Variants in ACACB observed in about 807,000 individuals in gnomAD.
The protein encoded by ACACB is acetyl-CoA carboxylase 2.
Under a neutral mutation model 278.8 loss-of-function variants are expected in ACACB, and 209 were observed. The ratio of observed to expected loss-of-function variants is 0.75; its 90% CI spans 0.67 to 0.84. The LOEUF (loss-of-function observed/expected upper bound fraction) is 0.84. Ranked by LOEUF, ACACB falls within the 40% of genes least tolerant of loss-of-function variation. ACACB has a pLI of 0.00. For missense variants in ACACB, 2,850 were observed against 3,269.0 expected, an observed-to-expected ratio of 0.87 and a Z score of 3.13; for synonymous variants, 1,174 against 1,285.6, an observed-to-expected ratio of 0.91 and a Z score of 1.86.
Position 109,210,197 on chromosome 12 carries a change from A to ATCTG in ACACB, c.3249+845_3249+846insCTGT, listed in dbSNP as rs2045718278. ...TATGTATATATACACACGTGTGTAT[A>ATCTG]TGTATATATGTATATATACACACAT... is the stretch of plus-strand genomic sequence containing the variant. On this transcript the variant is annotated intron_variant, in intron 21 of 52. Transcript: ENST00000338432. Among the ~76,000 whole-genome samples the ATCTG allele has an allele frequency of 1.7e-4, 2 of 11,856 alleles. 1 individual carries two copies. Among genetic ancestry groups the ATCTG allele is most frequent in the South Asian group, 3.0e-3 (2 of 670 alleles). The allele number at this position is 11,856 out of a possible 152,430, so 7.8% of individuals were successfully genotyped here. A position where few individuals can be genotyped will look rare whatever the true frequency, so the allele number is the denominator to read the frequency against.
intron 29 of ACACB, 88 bp from the exon 30 acceptor site, chr12:109,233,660 G>A: frequency 9.1e-7 from 1 of 1,102,236 alleles, no homozygotes; most frequent in Non-Finnish European, 1.4e-6. Context: ...GGGAGGGTCT[G>A]GCGTTCCCTG....
At chr12:109,149,369 G>A (rs2043315238) in intron 2 of ACACB, among the ~76,000 whole-genome samples, 1 of 152,172 alleles carries the variant, frequency 6.6e-6, no homozygotes, top group Non-Finnish European at 1.5e-5. Flanking sequence ...GGCTCTAACA[G>A]TTGGTGGCTT....
At chr12:109,253,404 G>A (rs1398772005) in intron 43 of ACACB, among the ~76,000 whole-genome samples, 1 of 152,186 alleles carries the variant, frequency 6.6e-6, no homozygotes, top group African/African-American at 2.4e-5. Context: ...CCTTTAGAAA[G>A]AGGTAGTATT....
chr12:109,262,610 T>C, intron 49 of ACACB, 141 bp downstream of exon 49: 4 of 593,442 alleles, frequency 6.7e-6, no homozygotes, highest in Non-Finnish European at 3.0e-6. Flanking sequence ...TTTAAAGATA[T>C]TCACATTTGT....
chr12:109,181,201 A>T (rs2044454186), intron 11 of ACACB, among the ~76,000 whole-genome samples: 1 of 148,208 alleles, frequency 6.7e-6, no homozygotes, highest in African/African-American at 2.5e-5. Context: ...GTGTGTATGT[A>T]CCACATTTTC....
intron 2 of ACACB, among the ~76,000 whole-genome samples, chr12:109,152,466 G>GT (rs1213943896): frequency 6.6e-6 from 1 of 151,554 alleles, no homozygotes; most frequent in African/African-American, 2.4e-5. Context: ...TTGTTTATCT[G>GT]TTTTTTTTCT....
chr12:109,238,309 A>G (rs1264295749), intron 34 of ACACB, among the ~76,000 whole-genome samples: 1 of 146,236 alleles, frequency 6.8e-6, no homozygotes, highest in Non-Finnish European at 1.5e-5. Context: ...GGTCCACCAC[A>G]TATTATTTCC....
At chr12:109,240,305 G>T (rs1040416336) in intron 35 of ACACB, among the ~76,000 whole-genome samples, 1 of 152,118 alleles carries the variant, frequency 6.6e-6, no homozygotes, top group Admixed American at 6.5e-5. Context: ...ACGTGAGACC[G>T]TGAGGTCTGT....
At chr12:109,240,180 C>T (rs1414650059) in intron 35 of ACACB, among the ~76,000 whole-genome samples, 195 bp downstream of exon 35, 4 of 152,206 alleles carry the variant, frequency 2.6e-5, no homozygotes, top group Non-Finnish European at 4.4e-5. Flanking sequence ...CCATGCCCTG[C>T]ACGGGAATGC....
At chr12:109,171,336 T>C (rs1653040129) in intron 4 of ACACB, among the ~76,000 whole-genome samples, 1 of 151,456 alleles carries the variant, frequency 6.6e-6, no homozygotes, top group African/African-American at 2.4e-5. Context: ...ATATTTCATT[T>C]TCTTTACATT....
rs1344320808 is a variant in ACACB, at chr12:109,140,280, T to TTCCATCCA, written c.653+225_653+226insATCCATCC. Reference sequence around the variant, plus strand: ...CATCCTTCCTTCCTTCTTTCCTTCCTTCCTTCCTTCCTTCCTTCCTTCCTT... The same window carrying TTCCATCCA: ...CATCCTTCCTTCCTTCTTTCCTTCCTTCCATCCATCCTTCCTTCCTTCCTTCCTTCCTT... On this transcript the variant is annotated intron_variant, in intron 2 of 52. Coordinates refer to ENST00000338432, the MANE Select transcript of ACACB (RefSeq NM_001093.4). 4.8e-4 allele frequency among the ~76,000 whole-genome samples: 19 copies of TTCCATCCA among 39,426 alleles called. 2 individuals carry two copies. Among genetic ancestry groups the TTCCATCCA allele is most frequent in the East Asian group, 3.0e-3 (4 of 1,320 alleles). 25.9% of individuals were successfully genotyped at this position (39,426 alleles called of 152,430 possible). A position where few individuals can be genotyped will look rare whatever the true frequency, so the allele number is the denominator to read the frequency against.
intron 39 of ACACB, 137 bp downstream of exon 39, chr12:109,246,585 A>G (rs1770108773): frequency 9.5e-7 from 1 of 1,056,446 alleles, no homozygotes; most frequent in African/African-American, 1.6e-5. Context: ...GTGTATAAAC[A>G]GGCATACAGT....
intron 2 of ACACB, among the ~76,000 whole-genome samples, chr12:109,142,927 G>A (rs1349621854): frequency 2.6e-5 from 4 of 152,068 alleles, no homozygotes; most frequent in South Asian, 2.1e-4. Context: ...TCCTGCCCTC[G>A]TGTCTTCATG....
At position 109,264,332 on chromosome 12, in the gene ACACB, G is replaced by A. The variant is rs1413097503; in HGVS notation, c.6888G>A (p.Gln2296=). 2 of 1,614,004 alleles carry A rather than the reference G, an allele frequency of 1.2e-6. No individual in the cohort carries two copies. The highest frequency in any genetic ancestry group is 8.5e-7 in the Non-Finnish European group (1 of 1,180,042). ...CCATCTACCACCAGGTGGCGGTGCA[G>A]TTCGCCGACTTCCATGACACACCCG... ...LLPIYHQVAV[Q]FADFHDTPGR... Residue 2296 remains glutamine (Q), a synonymous_variant, in exon 50 of 53, where the codon CAG becomes CAA. Coordinates refer to ENST00000338432, the MANE Select transcript of ACACB (RefSeq NM_001093.4).
intron 2 of ACACB, among the ~76,000 whole-genome samples, chr12:109,165,093 T>A (rs1313465707): frequency 2.6e-5 from 4 of 152,200 alleles, no homozygotes; most frequent in Admixed American, 1.3e-4. Flanking sequence ...CATTCTACCA[T>A]CTTCTTAAGT....
intron 12 of ACACB, among the ~76,000 whole-genome samples, chr12:109,187,647 A>G (rs920649613): frequency 4.6e-5 from 7 of 151,414 alleles, no homozygotes; most frequent in Admixed American, 2.6e-4. Context: ...TTTTGTAGAG[A>G]TGGGGTCTCC....
At chr12:109,173,696 A>G (rs2136193727) in intron 6 of ACACB, among the ~76,000 whole-genome samples, 2 of 152,330 alleles carry the variant, frequency 1.3e-5, no homozygotes, top group East Asian at 3.9e-4. Flanking sequence ...GGCTGCTTTC[A>G]CCCAACACTG....
intron 31 of ACACB, among the ~76,000 whole-genome samples, chr12:109,234,860 A>G (rs1007560424): frequency 6.6e-6 from 1 of 151,228 alleles, no homozygotes; most frequent in African/African-American, 2.4e-5. Context: ...GCAAACCACC[A>G]TGGCACATAT....
rs188347112 is a variant in ACACB, at chr12:109,260,182, G to A, written c.6497-298G>A. 1.2e-4 allele frequency: 165 copies of A among 1,420,712 alleles called. No individual in the cohort carries two copies. In the African/African-American group the frequency reaches 1.9e-3, roughly 17 times the overall value. The allele number at this position is 1,420,712 out of a possible 1,614,324, so 88.0% of individuals were successfully genotyped here. On this transcript the variant is annotated intron_variant, in intron 47 of 52. Transcript: ENST00000338432. ...AGGGTTTTCTTTGCTGGAAATGGTG[G>A]GGCAGGGCAGGGACAGTCATGGGTG...
Sources: allele counts gnomAD v4.1 joint callset (sites outside exome capture counted in the v4.1 genomes callset), GRCh38; gene constraint gnomAD v4.1.1; transcripts MANE v1.5; gene names NCBI Gene and HGNC (gene_info 2026-07-23, HGNC 2026-07-21).